SSUH2: variants seen among roughly 807,000 people sequenced by gnomAD.
The protein encoded by SSUH2 is protein SSUH2 homolog.
A neutral mutation model predicts 55.3 loss-of-function variants in SSUH2; 47 were observed. The ratio of observed to expected loss-of-function variants is 0.85; its 90% CI spans 0.67 to 1.08. SSUH2 has a LOEUF of 1.08. Among genes scored for constraint, SSUH2 ranks in the 50% least tolerant of loss-of-function variants. SSUH2 has a pLI of 0.00. For synonymous variants in SSUH2, 212 were observed against 191.5 expected (o/e 1.11, Z -0.89); for missense variants, 535 against 490.7 (o/e 1.09, Z -0.85).
In SSUH2 at chr3:8,635,815, G is replaced by A. The variant is rs60723042; in HGVS notation, c.71C>T (p.Pro24Leu). ...CAGTCTCTCCAGGAGCTCTGTGGGG[G>A]GCGCCAGAGGACTCTCGGCCTCAAA... is the stretch of plus-strand genomic sequence containing the variant. ...LSFEAESPLAPPTELLERLPS... is the reference protein window; with the variant it reads ...LSFEAESPLALPTELLERLPS... The change falls in exon 2 of 12, where the codon CCC (proline) becomes CTC (leucine). Residue 24 changes from proline to leucine, a missense_variant. Transcript: ENST00000544814. The A allele has an allele frequency of 4.0e-3, 6,193 of 1,536,002 alleles. 186 individuals are homozygous for A. The African/African-American group carries it at 0.07, about 17-fold the overall frequency.
chr3:8,679,285 G>A (rs1397756935), intron 2 of SSUH2, among the ~76,000 whole-genome samples: 1 of 77,478 alleles, frequency 1.3e-5, no homozygotes, highest in South Asian at 4.9e-4. Context: ...CCCATCGGAG[G>A]GGGGGAGCCA....
At chr3:8,673,886 G>C (rs1704907218) in intron 3 of SSUH2, among the ~76,000 whole-genome samples, 1 of 152,206 alleles carries the variant, frequency 6.6e-6, no homozygotes, top group African/African-American at 2.4e-5. Context: ...AGGTCATTCA[G>C]GGAAAAGAAG....
intron 11 of SSUH2, among the ~76,000 whole-genome samples, chr3:8,622,054 T>A (rs1183500466): frequency 6.6e-6 from 1 of 152,132 alleles, no homozygotes; most frequent in African/African-American, 2.4e-5. Context: ...TGTTTATCTG[T>A]CTGTGCAGCT....
intron 5 of SSUH2, among the ~76,000 whole-genome samples, chr3:8,668,323 G>A (rs997205412): frequency 3.9e-5 from 6 of 152,276 alleles, no homozygotes; most frequent in Admixed American, 3.3e-4. Flanking sequence ...TTTTTCACAG[G>A]TTGGCTCTCT....
intron 8 of SSUH2, chr3:8,627,365 T>G: frequency 4.2e-6 from 1 of 240,272 alleles, no homozygotes; most frequent in Non-Finnish European, 8.0e-6. Flanking sequence ...AATCTGGCCT[T>G]TAGGTGGTTT....
intron 1 of SSUH2, chr3:8,639,986 G>A: frequency 1.0e-6 from 1 of 985,452 alleles, no homozygotes; most frequent in Non-Finnish European, 1.2e-6. Context: ...AATGCCTCGT[G>A]ATTTGAATTA....
At chr3:8,661,199 C>T (rs1703452234) in intron 6 of SSUH2, among the ~76,000 whole-genome samples, 1 of 152,216 alleles carries the variant, frequency 6.6e-6, no homozygotes, top group Admixed American at 6.5e-5. Flanking sequence ...CCACTCTTGG[C>T]CTTCACATGC....
chr3:8,619,699 G>C lies in SSUH2; in HGVS notation c.*169C>G, dbSNP rs1656850708. On this transcript the variant is annotated 3_prime_UTR_variant, in exon 12 of 12. Coordinates refer to ENST00000544814, the MANE Select transcript of SSUH2 (RefSeq NM_001256748.3). Reference sequence around the variant, plus strand: ...ATGAGTCATGGATTCCACCAGAGGAGCTGTATAAGGGGTTGGAGCTTGATA... The same window carrying C: ...ATGAGTCATGGATTCCACCAGAGGACCTGTATAAGGGGTTGGAGCTTGATA... The C allele has an allele frequency of 8.0e-6, 5 of 623,938 alleles. No homozygotes were observed. The highest frequency in any genetic ancestry group is 1.3e-5 in the Non-Finnish European group (5 of 372,288). The allele number at this position is 623,938 out of a possible 1,614,324, so 38.7% of individuals were successfully genotyped here. A position where few individuals can be genotyped will look rare whatever the true frequency, so the allele number is the denominator to read the frequency against.
chr3:8,660,016 T>A (rs1367759655), intron 6 of SSUH2, among the ~76,000 whole-genome samples: 1 of 152,130 alleles, frequency 6.6e-6, no homozygotes, highest in Non-Finnish European at 1.5e-5. Context: ...CTAACGTTCT[T>A]CCCATCTCAT....
At chr3:8,653,893 AC>A (rs2125332241) in intron 7 of SSUH2, among the ~76,000 whole-genome samples, 1 of 152,180 alleles carries the variant, frequency 6.6e-6, no homozygotes, top group East Asian at 1.9e-4. Flanking sequence ...CTACCTCCCG[AC>A]CCTTCCACCC....
intron 6 of SSUH2, among the ~76,000 whole-genome samples, chr3:8,661,838 C>T (rs575094962): frequency 2.6e-5 from 4 of 152,154 alleles, no homozygotes; most frequent in Non-Finnish European, 4.4e-5. Context: ...CCCATAATTC[C>T]CATGTGTTTT....
chr3:8,663,862 G>C (rs754653338), intron 5 of SSUH2: 2 of 456,662 alleles, frequency 4.4e-6, no homozygotes, highest in South Asian at 3.1e-5. Flanking sequence ...CGTGTCCCAA[G>C]ACAATGTTGT....
intron 11 of SSUH2, among the ~76,000 whole-genome samples, chr3:8,621,521 C>T (rs920568713): frequency 6.6e-6 from 1 of 152,148 alleles, no homozygotes; most frequent in Non-Finnish European, 1.5e-5. Context: ...CAGGGGGCAG[C>T]ATGACATTGC....
chr3:8,648,793 G>GA (rs1702035264), upstream of SSUH2, among the ~76,000 whole-genome samples: 1 of 152,070 alleles, frequency 6.6e-6, no homozygotes, highest in African/African-American at 2.4e-5. Context: ...CTTGACCCTG[G>GA]ATACATCGCA....
chr3:8,623,334 C>T (rs963748878), intron 11 of SSUH2: 4 of 525,516 alleles, frequency 7.6e-6, no homozygotes, highest in Non-Finnish European at 3.4e-6. Context: ...ATGCAAACTT[C>T]TCCTGCGACC....
chr3:8,652,319 C>T (rs1427551801), intron 7 of SSUH2, among the ~76,000 whole-genome samples: 1 of 152,206 alleles, frequency 6.6e-6, no homozygotes, highest in Non-Finnish European at 1.5e-5. Context: ...TCAGGAGTAG[C>T]CTTATAGACC....
chr3:8,677,055 C>G (rs1487490459), intron 3 of SSUH2, among the ~76,000 whole-genome samples: 5 of 149,522 alleles, frequency 3.3e-5, no homozygotes, highest in Admixed American at 3.3e-4. Flanking sequence ...GAGGCGGGGA[C>G]TGCGAGCCAG....
intron 4 of SSUH2, among the ~76,000 whole-genome samples, chr3:8,632,831 G>C (rs969978578): frequency 2.6e-5 from 4 of 152,210 alleles, no homozygotes; most frequent in African/African-American, 7.2e-5. Context: ...CATGATCTGG[G>C]GGAGGCAGAG....
intron 5 of SSUH2, among the ~76,000 whole-genome samples, chr3:8,670,151 G>A (rs746030229): frequency 7.9e-5 from 12 of 152,080 alleles, no homozygotes; most frequent in South Asian, 2.1e-4. Context: ...TTGGCAGCTC[G>A]TTTATGACCC....
Sources: allele counts gnomAD v4.1 joint callset (sites outside exome capture counted in the v4.1 genomes callset), GRCh38; gene constraint gnomAD v4.1.1; transcripts MANE v1.5; gene names NCBI Gene and HGNC (gene_info 2026-07-23, HGNC 2026-07-21).